The following CCDC57 variants were observed in gnomAD, a reference collection of about 807,000 sequenced individuals.
CCDC57 encodes the protein coiled-coil domain containing 57.
Under a neutral mutation model 118.9 loss-of-function variants are expected in CCDC57, and 118 were observed. The observed-to-expected ratio is 0.99, with a 90% CI of 0.86 to 1.16. The LOEUF is 1.16. Ranked by LOEUF, CCDC57 falls within the 50% of genes most tolerant of loss-of-function variation. The pLI is 0.00. For synonymous variants in CCDC57, 527 were observed against 532.9 expected, an observed-to-expected ratio of 0.99 and a Z score of 0.15; for missense variants, 1,300 against 1,320.7, an observed-to-expected ratio of 0.98 and a Z score of 0.24.
intron 9 of CCDC57, among the ~76,000 whole-genome samples, chr17:82,182,761 C>A (rs1175230634): frequency 6.6e-6 from 1 of 152,106 alleles, no homozygotes; most frequent in Non-Finnish European, 1.5e-5. Context: ...TCTGGGCTCA[C>A]CAAAACCTCC....
At chr17:82,195,130 G>A in intron 5 of CCDC57, 133 bp downstream of exon 4, 1 of 707,648 alleles carries the variant, frequency 1.4e-6, no homozygotes, top group Non-Finnish European at 2.5e-6. Flanking sequence ...CCTGCTCGCT[G>A]GGCTTGAACT....
In CCDC57 at chr17:82,157,984, G is replaced by T. The variant is rs147432414; in HGVS notation, c.2041-36C>A. The T allele has an allele frequency of 2.8e-3, 4,249 of 1,537,554 alleles. 16 individuals are homozygous for T. The highest frequency in any genetic ancestry group is 0.01 in the Middle Eastern group (56 of 5,426). On this transcript the variant is annotated intron_variant, in intron 14 of 19. Transcript: ENST00000665763. ...TTTCAAAGGCAGTGTGAGGAATGAG[G>T]CAGTGGCTGGGCTGGAGCAGGCCCC...
intron 19 of CCDC57, chr17:82,112,600 G>A (rs980214995): frequency 6.6e-6 from 1 of 152,536 alleles, no homozygotes; most frequent in Non-Finnish European, 1.5e-5. Context: ...TCCTCCTTGC[G>A]GGATTCTGCC....
chr17:82,106,282 C>T (rs1262502843), intron 19 of CCDC57: 1 of 152,416 alleles, frequency 6.6e-6, no homozygotes, highest in Admixed American at 6.5e-5. Flanking sequence ...GAGGCTGCAT[C>T]ACGGAAGGCG....
intron 19 of CCDC57, among the ~76,000 whole-genome samples, chr17:82,111,379 T>C (rs1221266201): frequency 1.5e-5 from 2 of 130,842 alleles, no homozygotes; most frequent in African/African-American, 3.0e-5. Flanking sequence ...CTAGGGCCCT[T>C]TTTTTTTTTT....
intron 19 of CCDC57, among the ~76,000 whole-genome samples, chr17:82,120,185 G>A (rs1239558304): frequency 9.1e-6 from 1 of 109,544 alleles, no homozygotes; most frequent in Admixed American, 8.4e-5. Context: ...TTTTTTTTTT[G>A]CAGAGATGTT....
At chr17:82,181,535 T>A (rs1057267008) in intron 9 of CCDC57, among the ~76,000 whole-genome samples, 4 of 152,182 alleles carry the variant, frequency 2.6e-5, no homozygotes, top group Non-Finnish European at 4.4e-5. Context: ...ATTCACCATG[T>A]CTGACATCCA....
chr17:82,195,539 G>A (rs977505459), intron 4 of CCDC57, among the ~76,000 whole-genome samples, 175 bp from the exon 4 acceptor site: 1 of 151,984 alleles, frequency 6.6e-6, no homozygotes, highest in African/African-American at 2.4e-5. Flanking sequence ...AGCACTCTGG[G>A]AGGCCGAGGC....
At chr17:82,133,483 A>C (rs1355729689) in intron 17 of CCDC57, among the ~76,000 whole-genome samples, 1 of 147,822 alleles carries the variant, frequency 6.8e-6, no homozygotes, top group Non-Finnish European at 1.5e-5. Flanking sequence ...TTTTTCACTT[A>C]TCATACCAGA....
rs545793925 is a variant in CCDC57, at chr17:82,176,109, C to T, written c.1506+2365G>A. On this transcript the variant is annotated intron_variant, in intron 11 of 19. Coordinates refer to ENST00000665763, the Ensembl canonical transcript of CCDC57. ...GTCCAGAGTCTAAAACCCCTCATGA[C>T]CTTTGGAACACCAAGCTCTGTGCCA... Among the ~76,000 whole-genome samples the T allele has an allele frequency of 1.1e-4, 16 of 152,284 alleles. No individual in the cohort carries two copies. In the South Asian group the frequency reaches 2.3e-3, roughly 22 times the overall value.
chr17:82,210,717 G>A (rs1316451571), intron 1 of CCDC57, among the ~76,000 whole-genome samples: 6 of 148,728 alleles, frequency 4.0e-5, no homozygotes, highest in Non-Finnish European at 8.9e-5. Flanking sequence ...AAAAAAGGCC[G>A]GGCACGGTGG....
intron 8 of CCDC57, among the ~76,000 whole-genome samples, chr17:82,187,716 C>T (rs1445539850): frequency 2.1e-4 from 12 of 57,120 alleles, no homozygotes; most frequent in South Asian, 1.0e-3. Flanking sequence ...CGGGGGGAGC[C>T]GGCGGGGCTC....
chr17:82,202,055 G>C (rs2049057848), intron 2 of CCDC57, 103 bp from the exon 2 acceptor site: 3 of 1,197,240 alleles, frequency 2.5e-6, no homozygotes. Context: ...CCACGGCCGG[G>C]CACGGTGGCT....
chr17:82,113,362 G>A (rs572660672), intron 19 of CCDC57: 91 of 716,416 alleles, frequency 1.3e-4, no homozygotes, highest in Non-Finnish European at 2.1e-4. Context: ...TGTCACCAGC[G>A]TGACCTGCTC....
intron 3 of CCDC57, among the ~76,000 whole-genome samples, chr17:82,199,901 T>C (rs1264433323): frequency 6.6e-6 from 1 of 152,224 alleles, no homozygotes; most frequent in African/African-American, 2.4e-5. Context: ...GACTGCTGAC[T>C]GGCACTTTTT....
chr17:82,207,867 C>T (rs1218906457), exon 2 of CCDC57: 1 of 152,156 alleles, frequency 6.6e-6, no homozygotes, highest in Non-Finnish European at 1.5e-5. Flanking sequence ...GACCTCTCTC[C>T]AGGCAGGCGG....
intron 12 of CCDC57, 44 bp from the exon 12 acceptor site, chr17:82,171,897 CT>C: frequency 6.3e-7 from 1 of 1,586,152 alleles, no homozygotes; most frequent in Non-Finnish European, 8.6e-7. Context: ...ACACAGCATC[CT>C]TTCGCACCTC....
At chr17:82,167,678 A>G (rs2044168319) in intron 13 of CCDC57, among the ~76,000 whole-genome samples, 2 of 151,336 alleles carry the variant, frequency 1.3e-5, no homozygotes, top group African/African-American at 4.9e-5. Flanking sequence ...TAGGGGTTTC[A>G]CCATGTTGGT....
intron 15 of CCDC57, chr17:82,154,739 G>A (rs1363711495): frequency 6.6e-6 from 1 of 152,426 alleles, no homozygotes; most frequent in Non-Finnish European, 1.5e-5. Context: ...CCTGTGCAGG[G>A]TCCAGGGTCC....
Sources: gnomAD v4.1 joint callset for allele counts (sites outside exome capture counted in the v4.1 genomes callset) on GRCh38, gnomAD v4.1.1 for gene constraint, MANE v1.5 for transcripts, NCBI Gene and HGNC (gene_info 2026-07-23, HGNC 2026-07-21) for gene names.